TAFA2: variants seen among roughly 807,000 people sequenced by gnomAD.
The protein encoded by TAFA2 is chemokine-like protein TAFA-2.
TAFA2 carries 7 observed loss-of-function variants against 18.8 expected under a neutral mutation model. The observed-to-expected ratio is 0.37, with a 90% CI of 0.21 to 0.70. The LOEUF (loss-of-function observed/expected upper bound fraction) is 0.70, where lower values mean the gene tolerates loss of function less well. TAFA2 is among the 30% of genes least tolerant of loss of function. The pLI, the probability that TAFA2 is intolerant of heterozygous loss-of-function variation, is 0.53. For synonymous variants in TAFA2, 60 were observed against 54.2 expected (o/e 1.11, Z -0.47); for missense variants, 122 against 158.1 (o/e 0.77, Z 1.23).
At chr12:61,990,832 T>C (rs1213754692) in intron 1 of TAFA2, among the ~76,000 whole-genome samples, 3 of 152,190 alleles carry the variant, frequency 2.0e-5, no homozygotes, top group African/African-American at 2.4e-5. Flanking sequence ...GGAGTGTATA[T>C]GTATATAAAT....
intron 1 of TAFA2, among the ~76,000 whole-genome samples, chr12:61,978,423 C>T (rs1879512159): frequency 1.3e-5 from 2 of 151,918 alleles, no homozygotes; most frequent in Admixed American, 1.3e-4. Context: ...ACTCTAATAA[C>T]AATTTTCAAA....
intron 4 of TAFA2, among the ~76,000 whole-genome samples, chr12:61,749,178 C>T (rs752597155): frequency 7.2e-5 from 11 of 151,734 alleles, no homozygotes; most frequent in Admixed American, 2.0e-4. Flanking sequence ...GAGGCTAAGG[C>T]ATGAGAATCG....
chr12:62,191,194 G>C (rs2062621730), intron 1 of TAFA2, 65 bp downstream of exon 1: 1 of 152,026 alleles, frequency 6.6e-6, no homozygotes. Context: ...CCGGGACCGC[G>C]GTCCTGCAGT....
chr12:61,948,341 C>A (rs979307509), intron 1 of TAFA2, among the ~76,000 whole-genome samples: 1 of 152,074 alleles, frequency 6.6e-6, no homozygotes, highest in Non-Finnish European at 1.5e-5. Context: ...CATTTGAGAT[C>A]TGAAGTAAGC....
At chr12:62,187,236 G>A (rs1193412210) in intron 1 of TAFA2, among the ~76,000 whole-genome samples, 1 of 151,846 alleles carries the variant, frequency 6.6e-6, no homozygotes, top group Non-Finnish European at 1.5e-5. Flanking sequence ...GATTTTTTTT[G>A]CATTTGTAGC....
chr12:61,991,415 T>C (rs1880006558), intron 1 of TAFA2, among the ~76,000 whole-genome samples: 2 of 152,318 alleles, frequency 1.3e-5, no homozygotes, highest in African/African-American at 2.4e-5. Flanking sequence ...TAAGCACATA[T>C]GTAGGTTTTT....
chr12:61,728,656 C>T (rs1044907209), intron 4 of TAFA2, among the ~76,000 whole-genome samples: 3 of 151,914 alleles, frequency 2.0e-5, no homozygotes, highest in Non-Finnish European at 4.4e-5. Context: ...ACAGCAGATA[C>T]TTGGTTGGTG....
Position 61,798,206 on chromosome 12 carries a change from C to T in TAFA2, c.107-43182G>A, listed in dbSNP as rs371990631. ...GATCTATTAATTTGCTATTAAATTG[C>T]TTTCATGATCAGCTAATGCATCATG... On this transcript the variant is annotated intron_variant, in intron 2 of 4. Coordinates refer to ENST00000416284, the MANE Select transcript of TAFA2 (RefSeq NM_178539.5). Among the ~76,000 whole-genome samples, 7 of 152,092 alleles carry T rather than the reference C, an allele frequency of 4.6e-5. No individual in the cohort carries two copies. In the East Asian group the frequency reaches 9.6e-4, roughly 21 times the overall value.
chr12:61,897,037 T>A lies in TAFA2; in HGVS notation c.-1-29611A>T, dbSNP rs76678235. On this transcript the variant is annotated intron_variant, in intron 1 of 4. Transcript: ENST00000416284. Reference sequence around the variant, plus strand: ...TCCATATTATTTGATACATATAAAATAAGTAACATAGGTATATTTAGAAAG... The same window carrying A: ...TCCATATTATTTGATACATATAAAAAAAGTAACATAGGTATATTTAGAAAG... Among the ~76,000 whole-genome samples the A allele has an allele frequency of 8.7e-4, 133 of 152,226 alleles. 2 individuals carry two copies. The East Asian group carries it at 0.022, about 25-fold the overall frequency.
chr12:62,116,907 G>A (rs1565750023), intron 1 of TAFA2, among the ~76,000 whole-genome samples: 1 of 152,126 alleles, frequency 6.6e-6, no homozygotes, highest in Non-Finnish European at 1.5e-5. Flanking sequence ...TTTTAAATAA[G>A]TTAAAATTAG....
chr12:61,987,341 G>T (rs1021592878), intron 1 of TAFA2, among the ~76,000 whole-genome samples: 2 of 152,152 alleles, frequency 1.3e-5, no homozygotes, highest in Non-Finnish European at 2.9e-5. Context: ...ACACATCTCT[G>T]CCTGCTTTTC....
At chr12:61,897,851 A>G (rs1254293857) in intron 1 of TAFA2, among the ~76,000 whole-genome samples, 1 of 152,216 alleles carries the variant, frequency 6.6e-6, no homozygotes, top group Non-Finnish European at 1.5e-5. Flanking sequence ...TCATTTCAGC[A>G]TTAACCCAAA....
chr12:62,207,046 A>G (rs1392003105), intron 1 of TAFA2: 3 of 152,220 alleles, frequency 2.0e-5, no homozygotes, highest in Non-Finnish European at 4.4e-5. Flanking sequence ...GACAAGAGTT[A>G]TCTTCTTTAG....
chr12:61,853,980 G>GA (rs1873783809), intron 2 of TAFA2, among the ~76,000 whole-genome samples: 1 of 152,124 alleles, frequency 6.6e-6, no homozygotes, highest in African/African-American at 2.4e-5. Flanking sequence ...GTCCAAAAGA[G>GA]AAAACCTAAA....
At chr12:61,764,233 TAGA>T (rs1326536545) in intron 2 of TAFA2, among the ~76,000 whole-genome samples, 2 of 37,280 alleles carry the variant, frequency 5.4e-5, no homozygotes, top group Admixed American at 2.1e-4. Context: ...GATTGATTGA[TAGA>T]TAGATAGATA....
chr12:62,136,517 A>G (rs1313329710), intron 1 of TAFA2, among the ~76,000 whole-genome samples: 1 of 152,176 alleles, frequency 6.6e-6, no homozygotes, highest in Non-Finnish European at 1.5e-5. Context: ...GGTTTTGGGA[A>G]ATCACTGCAC....
intron 1 of TAFA2, among the ~76,000 whole-genome samples, chr12:62,211,383 AT>A (rs1192828441): frequency 1.3e-5 from 2 of 152,172 alleles, no homozygotes; most frequent in African/African-American, 4.8e-5. Context: ...CATCGAGACC[AT>A]CTTGGCTAAC....
intron 1 of TAFA2, among the ~76,000 whole-genome samples, chr12:61,946,168 C>G (rs1342697498): frequency 2.0e-5 from 3 of 151,166 alleles, no homozygotes; most frequent in South Asian, 2.1e-4. Flanking sequence ...CTACAACTAT[C>G]TGATCTTTGA....
intron 4 of TAFA2, among the ~76,000 whole-genome samples, chr12:61,740,003 G>T (rs1868377349): frequency 6.6e-6 from 1 of 152,030 alleles, no homozygotes; most frequent in East Asian, 1.9e-4. Flanking sequence ...TTCAAATATA[G>T]AGTATTTTAA....
Sources: gnomAD v4.1 joint callset for allele counts (sites outside exome capture counted in the v4.1 genomes callset) on GRCh38, gnomAD v4.1.1 for gene constraint, MANE v1.5 for transcripts, NCBI Gene and HGNC (gene_info 2026-07-23, HGNC 2026-07-21) for gene names.